DNER: variants seen among roughly 807,000 people sequenced by gnomAD.
The protein encoded by DNER is delta/notch like EGF repeat containing.
Under a neutral mutation model 78.2 loss-of-function variants are expected in DNER, and 33 were observed. The observed-to-expected ratio is 0.42, with a 90% CI of 0.32 to 0.56. The LOEUF (loss-of-function observed/expected upper bound fraction) is 0.56, where lower values mean the gene tolerates loss of function less well. Ranked by LOEUF, DNER falls within the 20% of genes least tolerant of loss-of-function variation. The probability of loss-of-function intolerance (pLI) is 0.11; values close to 1 mark genes in which losing one functional copy is unlikely to be tolerated. For synonymous variants in DNER, 417 were observed against 384.8 expected, an observed-to-expected ratio of 1.08 and a Z score of -0.98; for missense variants, 918 against 975.3, an observed-to-expected ratio of 0.94 and a Z score of 0.78.
At chr2:229,433,302 A>G (rs527644834) in intron 8 of DNER, among the ~76,000 whole-genome samples, 1 of 152,360 alleles carries the variant, frequency 6.6e-6, no homozygotes, top group South Asian at 2.1e-4. Flanking sequence ...CGCAAAACAT[A>G]TGGTCAGAAC....
intron 1 of DNER, among the ~76,000 whole-genome samples, chr2:229,645,023 A>C (rs1055088492): frequency 1.3e-5 from 2 of 152,004 alleles, no homozygotes; most frequent in African/African-American, 4.8e-5. Flanking sequence ...GTAGAAAAAA[A>C]AAAATTTAAG....
At chr2:229,691,553 A>T (rs1200379338) in intron 1 of DNER, among the ~76,000 whole-genome samples, 1 of 151,686 alleles carries the variant, frequency 6.6e-6, no homozygotes, top group Non-Finnish European at 1.5e-5. Flanking sequence ...TTAAGAGTGA[A>T]CCAGGGCTGT....
intron 1 of DNER, among the ~76,000 whole-genome samples, chr2:229,667,961 A>C (rs978997807): frequency 6.6e-6 from 1 of 152,242 alleles, no homozygotes; most frequent in African/African-American, 2.4e-5. Flanking sequence ...ATTTCGGGGC[A>C]GTGACCATGT....
intron 8 of DNER, among the ~76,000 whole-genome samples, chr2:229,445,267 G>A (rs765381291): frequency 8.5e-5 from 13 of 152,162 alleles, no homozygotes; most frequent in Non-Finnish European, 1.5e-4. Context: ...ATGTGAGCCC[G>A]AATCCACATG....
At chr2:229,620,365 T>C (rs201862862) in intron 1 of DNER, among the ~76,000 whole-genome samples, 2 of 152,362 alleles carry the variant, frequency 1.3e-5, no homozygotes, top group East Asian at 3.9e-4. Context: ...TACTTTCATA[T>C]CAGAGTTATA....
chr2:229,714,330 A>T lies in DNER; in HGVS notation c.94T>A (p.Ser32Thr). 7.9e-7 allele frequency: 1 copy of T among 1,269,842 alleles called. No homozygotes were observed. Among genetic ancestry groups the T allele is most frequent in the South Asian group, 2.8e-5 (1 of 35,560 alleles). 78.7% of individuals were successfully genotyped at this position (1,269,842 alleles called of 1,614,324 possible). ...GCGGCGGGCACCGGGTTGGCCAGGG[A>T]GCTGCCTCGGGGCCCCGCTCCGAGC... The part of the protein sequence containing the change: ...LLLGAGPRGS[S>T]LANPVPAAPL... Residue 32 changes from serine (S) to threonine (T), a missense_variant, in exon 1 of 13, where the codon TCC becomes ACC. Ser to Thr is a moderately conservative substitution (Grantham distance 58). Transcript: ENST00000341772.
At chr2:229,403,802 A>G (rs1693322685) in intron 10 of DNER, among the ~76,000 whole-genome samples, 1 of 151,988 alleles carries the variant, frequency 6.6e-6, no homozygotes, top group Admixed American at 6.6e-5. Context: ...GATGGAGGAA[A>G]GGCACCTTAC....
intron 1 of DNER, among the ~76,000 whole-genome samples, chr2:229,665,396 C>A (rs1340383785): frequency 1.3e-5 from 2 of 152,080 alleles, no homozygotes; most frequent in East Asian, 3.9e-4. Flanking sequence ...AGCTGGCCAA[C>A]ACTCTAGCTC....
chr2:229,395,822 G>A (rs58047303), intron 10 of DNER, among the ~76,000 whole-genome samples: 5,103 of 152,154 alleles, frequency 0.034, 137 homozygotes, highest in African/African-American at 0.073. Flanking sequence ...CACTTGAACC[G>A]GAGAGGCGGA....
rs747712827 is a variant in DNER at position 229,512,945 on chromosome 2, C to CA, written c.994-10dup. ...GTACAGGAAAAAGTTGCCTAAAACA[C>CA]AAAAAAAGCACAGTGTCTATTACCT... On this transcript the variant is annotated splice_polypyrimidine_tract_variant and intron_variant, in intron 5 of 12. Coordinates refer to ENST00000341772, the MANE Select transcript of DNER (RefSeq NM_139072.4). 11 of 1,607,970 alleles carry CA rather than the reference C, an allele frequency of 6.8e-6. No individual in the cohort carries two copies. Among genetic ancestry groups the CA allele is most frequent in the Non-Finnish European group, 8.5e-6 (10 of 1,178,192 alleles).
At chr2:229,480,930 G>GGTTCAGTATTACTGGAGA (rs1261804106) in intron 6 of DNER, among the ~76,000 whole-genome samples, 2 of 152,218 alleles carry the variant, frequency 1.3e-5, no homozygotes, top group Non-Finnish European at 2.9e-5. Flanking sequence ...CATGTCTGTG[G>GGTTCAGTATTACTGGAGA]GTTCAGTATT....
rs772354930 is a variant in DNER, at chr2:229,407,289, C to T, written c.1666G>A (p.Ala556Thr). 1.2e-6 allele frequency: 2 copies of T among 1,614,056 alleles called. No individual in the cohort carries two copies. Among genetic ancestry groups the T allele is most frequent in the Non-Finnish European group, 1.7e-6 (2 of 1,179,892 alleles). Residue 556 changes from alanine to threonine, a missense_variant, in exon 10 of 13, where the codon GCC (alanine) becomes ACC (threonine). Coordinates refer to ENST00000341772, the MANE Select transcript of DNER (RefSeq NM_139072.4). ...PCANVSCLNG[A>T]TCDSDGLNGT... ...TTCAGGCCGTCGCTGTCACAGGTGG[C>T]TCCGTTCAGACAGCTGACGTTAGCG... is the stretch of plus-strand genomic sequence containing the variant.
chr2:229,390,320 C>T (rs576108916), intron 10 of DNER, among the ~76,000 whole-genome samples: 1 of 152,252 alleles, frequency 6.6e-6, no homozygotes, highest in Non-Finnish European at 1.5e-5. Context: ...TTCACGAAGT[C>T]CAATGTCAAT....
chr2:229,469,824 T>A (rs1371698973), intron 7 of DNER, among the ~76,000 whole-genome samples: 2 of 152,112 alleles, frequency 1.3e-5, no homozygotes, highest in African/African-American at 4.8e-5. Flanking sequence ...GTGCCTGTAA[T>A]CCCACCTACT....
At chr2:229,489,185 A>AAC (rs752701798) in intron 6 of DNER, among the ~76,000 whole-genome samples, 34 of 152,358 alleles carry the variant, frequency 2.2e-4, no homozygotes, top group Admixed American at 7.2e-4. Context: ...GCTGTGAGTA[A>AAC]GGCAGCATGG....
At chr2:229,387,513 A>AAGAAAGAAAGAAAGAAAGAG (rs1692905772) in intron 11 of DNER, among the ~76,000 whole-genome samples, 1 of 36,872 alleles carries the variant, frequency 2.7e-5, no homozygotes, top group African/African-American at 1.0e-4. Context: ...GAAAGAGAGA[A>AAGAAAGAAAGAAAGAAAGAG]AGAAAGAAAG....
intron 1 of DNER, among the ~76,000 whole-genome samples, chr2:229,656,498 A>G (rs1033214636): frequency 6.6e-6 from 1 of 152,176 alleles, no homozygotes; most frequent in Non-Finnish European, 1.5e-5. Context: ...GCTGAGCTCC[A>G]GCTCAGCCAA....
intron 4 of DNER, among the ~76,000 whole-genome samples, chr2:229,584,912 G>A (rs995531298): frequency 4.2e-5 from 6 of 143,172 alleles, no homozygotes; most frequent in Non-Finnish European, 4.6e-5. Context: ...AAAAAAAAAA[G>A]AAGAAGAAAA....
chr2:229,497,719 T>C (rs577709309), intron 6 of DNER, among the ~76,000 whole-genome samples: 1 of 151,550 alleles, frequency 6.6e-6, no homozygotes, highest in South Asian at 2.1e-4. Context: ...CAAGAACAAA[T>C]GCATAAATTT....
Sources: gnomAD v4.1 joint callset for allele counts (sites outside exome capture counted in the v4.1 genomes callset) on GRCh38, gnomAD v4.1.1 for gene constraint, MANE v1.5 for transcripts, NCBI Gene and HGNC (gene_info 2026-07-23, HGNC 2026-07-21) for gene names.